The following ADAMTS20 variants were observed in gnomAD, a reference collection of about 807,000 sequenced individuals.
ADAMTS20 encodes the protein A disintegrin and metalloproteinase with thrombospondin motifs 20.
A neutral mutation model predicts 260.1 loss-of-function variants in ADAMTS20; 225 were observed. The ratio of observed to expected loss-of-function variants is 0.87; its 90% CI spans 0.78 to 0.97. The LOEUF is 0.97. Ranked by LOEUF, ADAMTS20 falls within the 50% of genes least tolerant of loss-of-function variation. The pLI is 0.00. For synonymous variants in ADAMTS20, 802 were observed against 769.5 expected (o/e 1.04, Z -0.70); for missense variants, 2,400 against 2,337.7 (o/e 1.03, Z -0.55).
At chr12:43,360,242 A>C (rs147444527) in intron 37 of ADAMTS20, among the ~76,000 whole-genome samples, 1,634 of 152,280 alleles carry the variant, frequency 0.011, 8 homozygotes, top group Non-Finnish European at 0.016. Flanking sequence ...TGAGGTCAGG[A>C]GTTCAAGACC....
chr12:43,470,366 T>C (rs929178818), intron 7 of ADAMTS20, among the ~76,000 whole-genome samples: 4 of 152,232 alleles, frequency 2.6e-5, no homozygotes, highest in African/African-American at 9.6e-5. Flanking sequence ...TGCTTAAAGG[T>C]ATATACATTT....
chr12:43,428,177 C>T, intron 26 of ADAMTS20, 64 bp downstream of exon 26: 3 of 1,503,974 alleles, frequency 2.0e-6, no homozygotes, highest in East Asian at 4.5e-5. Context: ...CATATACATA[C>T]CTGTTAAAAG....
intron 38 of ADAMTS20, among the ~76,000 whole-genome samples, chr12:43,356,054 C>A (rs547236246): frequency 6.6e-6 from 1 of 152,256 alleles, no homozygotes; most frequent in East Asian, 1.9e-4. Context: ...ACCCCCATCA[C>A]TAAAACAGTG....
At chr12:43,398,749 G>A (rs372738751) in intron 29 of ADAMTS20, among the ~76,000 whole-genome samples, 37 of 152,088 alleles carry the variant, frequency 2.4e-4, no homozygotes, top group Non-Finnish European at 1.6e-4. Flanking sequence ...AGTGGCTCAC[G>A]TCTGTAATCC....
intron 28 of ADAMTS20, among the ~76,000 whole-genome samples, chr12:43,415,438 T>C (rs1941112185): frequency 1.3e-5 from 2 of 152,226 alleles, no homozygotes; most frequent in Non-Finnish European, 2.9e-5. Flanking sequence ...TTGTTTCAGA[T>C]TGTTTGAAAT....
At chr12:43,433,733 CACACACACAA>C (rs765849575) in intron 19 of ADAMTS20, 9 of 414,482 alleles carry the variant, frequency 2.2e-5, no homozygotes, top group African/African-American at 1.9e-4. Context: ...CACACACACA[CACACACACAA>C]ACCAAATAAC....
At chr12:43,446,888 T>C (rs1404881196) in intron 14 of ADAMTS20, 176 bp from the exon 15 acceptor site, 14 of 575,044 alleles carry the variant, frequency 2.4e-5, no homozygotes, top group Non-Finnish European at 9.3e-6. Context: ...CTAGAAAACC[T>C]AGAAGAAATG....
chr12:43,430,177 A>G (rs1039528059), intron 23 of ADAMTS20, among the ~76,000 whole-genome samples, 175 bp downstream of exon 23: 14 of 152,236 alleles, frequency 9.2e-5, no homozygotes, highest in African/African-American at 3.4e-4. Flanking sequence ...ATAAAGCTAC[A>G]AAGCTGGCAA....
At chr12:43,471,244 G>A (rs1320487343) in intron 7 of ADAMTS20, among the ~76,000 whole-genome samples, 3 of 152,236 alleles carry the variant, frequency 2.0e-5, no homozygotes, top group East Asian at 1.9e-4. Flanking sequence ...TGGAAAATCG[G>A]GTCGCTCCCA....
At chr12:43,410,596 G>T (rs1162573938) in intron 28 of ADAMTS20, among the ~76,000 whole-genome samples, 1 of 152,254 alleles carries the variant, frequency 6.6e-6, no homozygotes, top group African/African-American at 2.4e-5. Context: ...GGAGTCAATA[G>T]GTAAATTTGT....
chr12:43,515,004 C>T (rs1384894763), intron 3 of ADAMTS20, among the ~76,000 whole-genome samples: 1 of 152,130 alleles, frequency 6.6e-6, no homozygotes, highest in African/African-American at 2.4e-5. Context: ...TTCAGATGAG[C>T]CTTCATGGCA....
intron 28 of ADAMTS20, among the ~76,000 whole-genome samples, chr12:43,408,390 T>C (rs768177342): frequency 6.6e-6 from 1 of 152,178 alleles, no homozygotes; most frequent in Non-Finnish European, 1.5e-5. Flanking sequence ...TTTTAAGGCA[T>C]TACTATGGTA....
Position 43,429,711 on chromosome 12 carries a change from G to A in ADAMTS20, c.3395C>T (p.Thr1132Ile), listed in dbSNP as rs770706587. 4 of 1,582,608 alleles carry A rather than the reference G, an allele frequency of 2.5e-6. No homozygotes were observed. The highest frequency in any genetic ancestry group is 3.4e-6 in the Non-Finnish European group (4 of 1,162,260). ...AAGTTTAGAAATAAATGAGCAAGGT[G>A]TAAGTACACAGCTCTGTTCAGAAGA... ...RPSDRQSCVL[T>I]PCSFISKLET... Residue 1132 changes from threonine to isoleucine, a missense_variant, in exon 24 of 39, where the codon ACA (threonine) becomes ATA (isoleucine). Coordinates refer to ENST00000389420, the MANE Select transcript of ADAMTS20 (RefSeq NM_025003.5).
At chr12:43,421,909 A>T (rs1424942612) in intron 28 of ADAMTS20, among the ~76,000 whole-genome samples, 2 of 152,084 alleles carry the variant, frequency 1.3e-5, no homozygotes, top group Non-Finnish European at 1.5e-5. Context: ...TTGTTATTTA[A>T]GAAAAACACC....
chr12:43,430,208 A>ATT, intron 23 of ADAMTS20, 144 bp downstream of exon 23: 1 of 960,810 alleles, frequency 1.0e-6, no homozygotes, highest in Non-Finnish European at 1.4e-6. Context: ...AACAAATTCT[A>ATT]TTTTTTTGCC....
intron 28 of ADAMTS20, among the ~76,000 whole-genome samples, chr12:43,417,932 A>G (rs1374619972): frequency 1.3e-5 from 2 of 152,210 alleles, no homozygotes; most frequent in African/African-American, 2.4e-5. Flanking sequence ...TATGAACTCT[A>G]TCATACGTAT....
At chr12:43,426,651 T>C (rs1816959244) in intron 27 of ADAMTS20, among the ~76,000 whole-genome samples, 2 of 152,200 alleles carry the variant, frequency 1.3e-5, no homozygotes, top group Non-Finnish European at 2.9e-5. Flanking sequence ...CTGACAACTA[T>C]CTGGCTTAAA....
chr12:43,388,522 T>G (rs1940532131), intron 29 of ADAMTS20, among the ~76,000 whole-genome samples: 1 of 152,214 alleles, frequency 6.6e-6, no homozygotes, highest in Non-Finnish European at 1.5e-5. Flanking sequence ...GGATAGGAGT[T>G]TTGGAAAACT....
intron 3 of ADAMTS20, among the ~76,000 whole-genome samples, chr12:43,529,152 T>C (rs1943186909): frequency 6.6e-6 from 1 of 152,000 alleles, no homozygotes; most frequent in Admixed American, 6.6e-5. Flanking sequence ...CAAAAAACAA[T>C]AGATATTGGC....
Sources: allele counts gnomAD v4.1 joint callset (sites outside exome capture counted in the v4.1 genomes callset), GRCh38; gene constraint gnomAD v4.1.1; transcripts MANE v1.5; gene names NCBI Gene and HGNC (gene_info 2026-07-23, HGNC 2026-07-21).